The following COLEC11 variants were observed in gnomAD, a reference collection of about 807,000 sequenced individuals.
The protein encoded by COLEC11 is collectin-11.
COLEC11 carries 20 observed loss-of-function variants against 27.3 expected under a neutral mutation model. That is an observed-to-expected ratio of 0.73 (90% CI 0.51 to 1.06). The LOEUF (loss-of-function observed/expected upper bound fraction) is 1.06. COLEC11 is among the 50% of genes least tolerant of loss of function. COLEC11 has a pLI of 0.00. For missense variants in COLEC11, 310 were observed against 383.0 expected, an observed-to-expected ratio of 0.81 and a Z score of 1.59; for synonymous variants, 163 against 154.7, an observed-to-expected ratio of 1.05 and a Z score of -0.40.
intron 3 of COLEC11, among the ~76,000 whole-genome samples, chr2:3,626,785 A>G (rs1353335204): frequency 6.6e-6 from 1 of 152,226 alleles, no homozygotes. Context: ...AGAATGGAAT[A>G]AACTTAGGAC....
In COLEC11 at chr2:3,643,552, C is replaced by T. The variant is rs374049075; in HGVS notation, c.424+13C>T. On this transcript the variant is annotated intron_variant, in intron 6 of 6. Coordinates refer to ENST00000349077, the MANE Select transcript of COLEC11 (RefSeq NM_024027.5). Reference sequence around the variant, plus strand: ...TTCATCAAGAATGGTATGTGGCTCCCGGCGCCGCCCTCGCTCCCTCCCACC... The same window carrying T: ...TTCATCAAGAATGGTATGTGGCTCCTGGCGCCGCCCTCGCTCCCTCCCACC... The T allele has an allele frequency of 4.4e-5, 71 of 1,610,794 alleles. No individual in the cohort carries two copies. Among genetic ancestry groups the T allele is most frequent in the South Asian group, 9.9e-5 (9 of 91,032 alleles).
intron 5 of COLEC11, among the ~76,000 whole-genome samples, chr2:3,642,115 G>A (rs10165834): frequency 6.6e-6 from 1 of 152,224 alleles, no homozygotes; most frequent in Non-Finnish European, 1.5e-5. Context: ...GTTGATTAGC[G>A]AGAGAAGACT....
intron 3 of COLEC11, among the ~76,000 whole-genome samples, chr2:3,616,193 A>G (rs1316373406): frequency 1.4e-5 from 2 of 141,754 alleles, no homozygotes; most frequent in African/African-American, 5.5e-5. Flanking sequence ...CCCACATCTC[A>G]GACGATGGGC....
chr2:3,603,662 G>A (rs1662405401), intron 1 of COLEC11: 3 of 1,551,084 alleles, frequency 1.9e-6, no homozygotes, highest in Non-Finnish European at 1.7e-6. Context: ...AAACAAAGAG[G>A]TCAGCACGTA....
chr2:3,643,672 TAA>T (rs1422968226), intron 6 of COLEC11, 53 bp from the exon 7 acceptor site: 100 of 1,612,278 alleles, frequency 6.2e-5, no homozygotes, highest in Non-Finnish European at 8.0e-5. Context: ...GGCTGTGCCT[TAA>T]GTTTGTTGCA....
intron 3 of COLEC11, among the ~76,000 whole-genome samples, chr2:3,617,219 AAG>A (rs1663824083): frequency 6.6e-6 from 1 of 152,138 alleles, no homozygotes; most frequent in Non-Finnish European, 1.5e-5. Flanking sequence ...ATTTGACAAA[AAG>A]AAAAAAATGG....
intron 3 of COLEC11, among the ~76,000 whole-genome samples, chr2:3,636,687 C>A (rs188427453): frequency 7.9e-5 from 12 of 152,248 alleles, no homozygotes; most frequent in Admixed American, 2.6e-4. Flanking sequence ...GGTTGGTGGT[C>A]AGTGGTGATA....
At chr2:3,613,223 A>G in intron 2 of COLEC11, 88 bp from the exon 3 acceptor site, 2 of 1,415,190 alleles carry the variant, frequency 1.4e-6, no homozygotes, top group Non-Finnish European at 2.0e-6. Context: ...CCCGGGGAGA[A>G]CGCTTCTAAC....
chr2:3,606,023 C>T (rs1025537245), intron 2 of COLEC11: 8 of 1,525,712 alleles, frequency 5.2e-6, no homozygotes, highest in African/African-American at 1.4e-5. Context: ...TTGGAAGCAA[C>T]TTAAACTGTT....
Position 3,644,465 on chromosome 2 carries a change from C to T in COLEC11, c.*347C>T. 1 of 511,282 alleles carries T rather than the reference C, an allele frequency of 2.0e-6. No homozygotes were observed. The highest frequency in any genetic ancestry group is 3.8e-6 in the Non-Finnish European group (1 of 265,266). The allele number at this position is 511,282 out of a possible 1,614,324, so 31.7% of individuals were successfully genotyped here. A position where few individuals can be genotyped will look rare whatever the true frequency, so the allele number is the denominator to read the frequency against. On this transcript the variant is annotated 3_prime_UTR_variant, in exon 7 of 7. Coordinates refer to ENST00000349077, the MANE Select transcript of COLEC11 (RefSeq NM_024027.5). ...TGCAGTAGTTAAGTCCAAATAGTGG[C>T]AATGGGGTCTTGAATTACTACCTTT...
At position 3,598,400 on chromosome 2, in the gene COLEC11, T is replaced by C. The variant is rs929725553; in HGVS notation, c.-27+3232T>C. 2.0e-5 allele frequency among the ~76,000 whole-genome samples: 3 copies of C among 152,356 alleles called. No individual in the cohort carries two copies. In the South Asian group the frequency reaches 6.2e-4, roughly 32 times the overall value. On this transcript the variant is annotated intron_variant, in intron 1 of 6. Coordinates refer to ENST00000349077, the MANE Select transcript of COLEC11 (RefSeq NM_024027.5). ...GCAGAAGGCTCTATTTGCGATGCAA[T>C]TGTGAACTTTCGTTCTGTTGTTTGT... is the stretch of plus-strand genomic sequence containing the variant.
intron 3 of COLEC11, among the ~76,000 whole-genome samples, chr2:3,633,376 C>T (rs1356908355): frequency 1.3e-5 from 2 of 152,236 alleles, no homozygotes; most frequent in East Asian, 1.9e-4. Flanking sequence ...AGCATTTGGC[C>T]TTTAGCCATC....
intron 1 of COLEC11, chr2:3,603,821 A>T: frequency 1.5e-6 from 1 of 677,514 alleles, no homozygotes; most frequent in Non-Finnish European, 2.6e-6. Context: ...GTCTCCTGCC[A>T]CCTAAGGAGA....
At chr2:3,603,551 A>G in intron 1 of COLEC11, 1 of 1,147,778 alleles carries the variant, frequency 8.7e-7, no homozygotes, top group Non-Finnish European at 1.3e-6. Context: ...TCCCGACTTT[A>G]GGTGATCTGC....
At chr2:3,599,351 G>C (rs886965631) in intron 1 of COLEC11, among the ~76,000 whole-genome samples, 7 of 152,182 alleles carry the variant, frequency 4.6e-5, no homozygotes, top group Non-Finnish European at 7.3e-5. Context: ...GAATGGAAAC[G>C]GGTTTCCCTG....
chr2:3,608,440 C>T (rs532137866), intron 2 of COLEC11, among the ~76,000 whole-genome samples: 4 of 152,128 alleles, frequency 2.6e-5, no homozygotes, highest in East Asian at 1.9e-4. Context: ...TGAGTGGGGA[C>T]GTGTATAGAA....
intron 1 of COLEC11, chr2:3,603,689 T>C: frequency 6.4e-7 from 1 of 1,550,560 alleles, no homozygotes. Flanking sequence ...CCTCCTGGGA[T>C]GGTCAGATGT....
intron 3 of COLEC11, among the ~76,000 whole-genome samples, chr2:3,626,427 G>A (rs1224304205): frequency 6.6e-6 from 1 of 152,024 alleles, no homozygotes; most frequent in Admixed American, 6.6e-5. Context: ...TAAAATGGGG[G>A]GTGGGGGGTG....
chr2:3,618,331 A>G (rs1458060408), intron 3 of COLEC11, among the ~76,000 whole-genome samples: 3 of 152,200 alleles, frequency 2.0e-5, no homozygotes, highest in Non-Finnish European at 4.4e-5. Context: ...GATTTCAGGT[A>G]TTACATTTAA....
Sources: gnomAD v4.1 joint callset for allele counts (sites outside exome capture counted in the v4.1 genomes callset) on GRCh38, gnomAD v4.1.1 for gene constraint, MANE v1.5 for transcripts, NCBI Gene and HGNC (gene_info 2026-07-23, HGNC 2026-07-21) for gene names.